Variants in MGMT observed in about 807,000 individuals in gnomAD.
MGMT encodes methylated-DNA--protein-cysteine methyltransferase.
Under a neutral mutation model 15.9 loss-of-function variants are expected in MGMT, and 14 were observed. That is an observed-to-expected ratio of 0.88 (90% CI 0.58 to 1.37). The LOEUF is 1.37. Among genes scored for constraint, MGMT ranks in the 40% most tolerant of loss-of-function variants. MGMT has a pLI of 0.00. For synonymous variants in MGMT, 130 were observed against 118.2 expected, an observed-to-expected ratio of 1.10 and a Z score of -0.65; for missense variants, 282 against 268.1, an observed-to-expected ratio of 1.05 and a Z score of -0.36.
At chr10:129,607,888 A>G (rs1397887395) in intron 2 of MGMT, among the ~76,000 whole-genome samples, 2 of 152,238 alleles carry the variant, frequency 1.3e-5, no homozygotes, top group Non-Finnish European at 2.9e-5. Context: ...CAAGAGCAAG[A>G]GGAGGACGTG....
rs1453977792 is a variant in MGMT at position 129,533,994 on chromosome 10, C to G, written c.-12-2247C>G. The stretch of plus-strand genomic sequence containing the variant: ...AAGGGGGTTGGGCTAAAATGTTGAT[C>G]ATGGTGGGAACAGTAGTGATCCCCA... On this transcript the variant is annotated intron_variant, in intron 1 of 4. Transcript: ENST00000651593. The surrounding 1 kb of genome is among the most constrained non-coding windows in gnomAD (Gnocchi z 4.5). 6.6e-6 allele frequency among the ~76,000 whole-genome samples: 1 copy of G among 152,144 alleles called. No homozygotes were observed. Among genetic ancestry groups the G allele is most frequent in the Non-Finnish European group, 1.5e-5 (1 of 68,026 alleles).
intron 2 of MGMT, among the ~76,000 whole-genome samples, chr10:129,628,858 G>A (rs765520276): frequency 6.6e-6 from 1 of 152,098 alleles, no homozygotes; most frequent in Non-Finnish European, 1.5e-5. Flanking sequence ...GGTTTTTCAC[G>A]AGACAGAAAA....
chr10:129,697,746 T>G (rs747894934), intron 2 of MGMT, among the ~76,000 whole-genome samples: 11 of 152,170 alleles, frequency 7.2e-5, no homozygotes, highest in Non-Finnish European at 1.6e-4. Flanking sequence ...TGCCTGGAAC[T>G]TCTGGAGTCA....
intron 2 of MGMT, among the ~76,000 whole-genome samples, chr10:129,574,720 A>T (rs61859891): frequency 0.11 from 16,643 of 152,058 alleles, 1,068 homozygotes; most frequent in East Asian, 0.3. Context: ...AGGGTTAAAT[A>T]CTCCAGCATT....
chr10:129,624,348 C>T (rs1314662657), intron 2 of MGMT, among the ~76,000 whole-genome samples: 1 of 152,156 alleles, frequency 6.6e-6, no homozygotes, highest in Non-Finnish European at 1.5e-5. Flanking sequence ...AGATAGCAGG[C>T]ACTGAAGTTC....
rs375318519 is a variant in MGMT at position 129,604,165 on chromosome 10, G to T, written c.125+67788G>T. On this transcript the variant is annotated intron_variant, in intron 2 of 4. Transcript: ENST00000651593. Reference sequence around the variant, plus strand: ...TTTGTCTCCATCCTCCTCCTTGTTTGCATGATTTACCAAAGCACTCTCTAC... The same window carrying T: ...TTTGTCTCCATCCTCCTCCTTGTTTTCATGATTTACCAAAGCACTCTCTAC... Among the ~76,000 whole-genome samples, 5 of 152,288 alleles carry T rather than the reference G, an allele frequency of 3.3e-5. No individual in the cohort carries two copies. In the East Asian group the frequency reaches 9.7e-4, roughly 29 times the overall value.
intron 3 of MGMT, among the ~76,000 whole-genome samples, chr10:129,750,792 C>T (rs770193793): frequency 2.0e-5 from 3 of 152,094 alleles, no homozygotes; most frequent in Non-Finnish European, 2.9e-5. Context: ...GTGCCTGTTT[C>T]ATTGACCTTT....
At chr10:129,687,997 T>C (rs1341575239) in intron 2 of MGMT, among the ~76,000 whole-genome samples, 4 of 152,188 alleles carry the variant, frequency 2.6e-5, no homozygotes, top group African/African-American at 9.7e-5. Flanking sequence ...GGTTTCCAGC[T>C]TCATCCATGT....
chr10:129,600,687 T>C (rs1846810874), intron 2 of MGMT, among the ~76,000 whole-genome samples: 1 of 152,158 alleles, frequency 6.6e-6, no homozygotes, highest in African/African-American at 2.4e-5. Flanking sequence ...AGCACCCCCA[T>C]AGGCTGCCCG....
chr10:129,598,066 CG>C (rs146962163), intron 2 of MGMT, among the ~76,000 whole-genome samples: 4,861 of 152,190 alleles, frequency 0.032, 127 homozygotes, highest in South Asian at 0.066. Context: ...CTCTGAGACT[CG>C]GTGCACGTAT....
chr10:129,716,364 A>T (rs1589954497), intron 3 of MGMT, among the ~76,000 whole-genome samples: 1 of 152,080 alleles, frequency 6.6e-6, no homozygotes, highest in East Asian at 1.9e-4. Context: ...TGTTGCACAA[A>T]CACATATTGT....
At chr10:129,731,928 C>T (rs1350563285) in intron 3 of MGMT, among the ~76,000 whole-genome samples, 3 of 152,006 alleles carry the variant, frequency 2.0e-5, no homozygotes, top group Non-Finnish European at 4.4e-5. Context: ...ATCACGTAGC[C>T]CCCAGAAAAC....
At chr10:129,539,722 G>T (rs1422501394) in intron 2 of MGMT, among the ~76,000 whole-genome samples, 1 of 152,148 alleles carries the variant, frequency 6.6e-6, no homozygotes, top group African/African-American at 2.4e-5. Flanking sequence ...TAGCCAGGAT[G>T]GTCTCCATCT....
In MGMT at chr10:129,767,929, T is replaced by C. The variant is rs1240691010; in HGVS notation, c.*932T>C. ...GGGCGGTGCGCTGCTGTCTGATACT[T>C]CATTATTGTGTTGTCATCCTAGCTG... On this transcript the variant is annotated 3_prime_UTR_variant, in exon 5 of 5. Transcript: ENST00000651593. 6.6e-6 allele frequency: 1 copy of C among 152,212 alleles called. No individual in the cohort carries two copies. The highest frequency in any genetic ancestry group is 1.5e-5 in the Non-Finnish European group (1 of 68,048). 9.4% of individuals were successfully genotyped at this position (152,212 alleles called of 1,614,324 possible). A position where few individuals can be genotyped will look rare whatever the true frequency, so the allele number is the denominator to read the frequency against.
At chr10:129,522,295 G>T (rs1420723324) in intron 1 of MGMT, among the ~76,000 whole-genome samples, 1 of 152,212 alleles carries the variant, frequency 6.6e-6, no homozygotes, top group Admixed American at 6.5e-5. Flanking sequence ...GGGAGAGGAG[G>T]GGCTTACTGC....
At chr10:129,657,511 A>G (rs1467237476) in intron 2 of MGMT, among the ~76,000 whole-genome samples, 1 of 151,900 alleles carries the variant, frequency 6.6e-6, no homozygotes, top group Non-Finnish European at 1.5e-5. Flanking sequence ...AGAAACAGGT[A>G]AAATACAGTT....
chr10:129,604,982 C>G (rs1229917873), intron 2 of MGMT, among the ~76,000 whole-genome samples: 1 of 152,210 alleles, frequency 6.6e-6, no homozygotes, highest in African/African-American at 2.4e-5. Flanking sequence ...TGCTGTGTAG[C>G]AGGCACAGGA....
intron 3 of MGMT, among the ~76,000 whole-genome samples, chr10:129,735,416 T>C (rs1268120232): frequency 6.6e-6 from 1 of 152,256 alleles, no homozygotes; most frequent in Non-Finnish European, 1.5e-5. Context: ...ATCCCCTTTA[T>C]CATTTTTTAT....
At chr10:129,633,619 A>C (rs2133084503) in intron 2 of MGMT, among the ~76,000 whole-genome samples, 1 of 152,352 alleles carries the variant, frequency 6.6e-6, no homozygotes, top group East Asian at 1.9e-4. Context: ...GCAATACAGG[A>C]AAGCAAAAGA....
Sources: allele counts gnomAD v4.1 joint callset (sites outside exome capture counted in the v4.1 genomes callset), GRCh38; gene constraint gnomAD v4.1.1; non-coding constraint Gnocchi (gnomAD v3.1); transcripts MANE v1.5; gene names NCBI Gene and HGNC (gene_info 2026-07-23, HGNC 2026-07-21).